The following PCDHGB1 variants were observed in gnomAD, a reference collection of about 807,000 sequenced individuals.
The protein encoded by PCDHGB1 is protocadherin gamma-B1.
In PCDHGB1, 34 loss-of-function variants were observed where a neutral mutation model predicts 56.6. The observed-to-expected ratio is 0.60, with a 90% CI of 0.46 to 0.80. The LOEUF (loss-of-function observed/expected upper bound fraction) is 0.80. PCDHGB1 is among the 30% of genes least tolerant of loss of function. The probability of loss-of-function intolerance (pLI) is 0.00; values close to 1 mark genes in which losing one functional copy is unlikely to be tolerated. For synonymous variants in PCDHGB1, 561 were observed against 505.9 expected (o/e 1.11, Z -1.46); for missense variants, 1,278 against 1,204.6 (o/e 1.06, Z -0.90).
Position 141,426,915 on chromosome 5 carries a change from G to A in PCDHGB1, c.2410-67892G>A, listed in dbSNP as rs143411146. On this transcript the variant is annotated intron_variant, in intron 1 of 3. Coordinates refer to ENST00000523390, the MANE Select transcript of PCDHGB1 (RefSeq NM_018922.3). ...ACAGAGCTCTCATCTCCTGGTCCTG[G>A]AAGCAATGGACATGGGTGACCCAGT... 1,737 of 456,738 alleles carry A rather than the reference G, an allele frequency of 3.8e-3. 17 individuals carry two copies. Among genetic ancestry groups the A allele is most frequent in the Admixed American group, 0.01 (426 of 42,586 alleles). The allele number at this position is 456,738 out of a possible 1,614,324, so 28.3% of individuals were successfully genotyped here.
intron 1 of PCDHGB1, chr5:141,377,314 A>G (rs890147019): frequency 5.3e-5 from 8 of 152,110 alleles, no homozygotes; most frequent in African/African-American, 1.9e-4. Flanking sequence ...AAAGATCAAG[A>G]TCTTGGTTTT....
chr5:141,485,676 G>A lies in PCDHGB1; in HGVS notation c.2410-9131G>A. The A allele has an allele frequency of 6.2e-7, 1 of 1,612,928 alleles. No individual in the cohort carries two copies. The highest frequency in any genetic ancestry group is 2.2e-5 in the East Asian group (1 of 44,848). On this transcript the variant is annotated intron_variant, in intron 1 of 3. Coordinates refer to ENST00000523390, the MANE Select transcript of PCDHGB1 (RefSeq NM_018922.3). This position sits in a 1 kb window ranked among gnomAD's most constrained non-coding sequence, Gnocchi z 5.7. ...GCAGATGTGGGGAGCAATTCGATTA[G>A]CAGCTATAGGCTGAGCTCCAATGAA...
In PCDHGB1 at chr5:141,489,071, CA is replaced by C; in HGVS notation, c.2410-5735del. 3.1e-6 allele frequency: 1 copy of C among 326,700 alleles called. No homozygotes were observed. Among genetic ancestry groups the C allele is most frequent in the East Asian group, 5.9e-5 (1 of 17,012 alleles). 20.2% of individuals were successfully genotyped at this position (326,700 alleles called of 1,614,324 possible). A position where few individuals can be genotyped will look rare whatever the true frequency, so the allele number is the denominator to read the frequency against. On this transcript the variant is annotated intron_variant, in intron 1 of 3. Transcript: ENST00000523390. This position sits in a 1 kb window ranked among gnomAD's most constrained non-coding sequence, Gnocchi z 4.5. Reference sequence around the variant, plus strand: ...AAATTCAGCTCCCCTCCCCCCTGCCCACCCCCGCCACTCGGTGACTAAGAAC... The same window carrying C: ...AAATTCAGCTCCCCTCCCCCCTGCCCCCCCCGCCACTCGGTGACTAAGAAC...
intron 1 of PCDHGB1, chr5:141,419,076 C>G: frequency 6.2e-7 from 1 of 1,613,956 alleles, no homozygotes; most frequent in Non-Finnish European, 8.5e-7. Context: ...AAGCTAGTAA[C>G]AGATGAGGCC....
Position 141,489,646 on chromosome 5 carries a change from C to G in PCDHGB1, c.2410-5161C>G, listed in dbSNP as rs1274955075. The G allele has an allele frequency of 1.2e-6, 2 of 1,614,186 alleles. No individual in the cohort carries two copies. Among genetic ancestry groups the G allele is most frequent in the Non-Finnish European group, 1.7e-6 (2 of 1,180,022 alleles). ...TGACAACTCTCCTAGCTTTGCCACC[C>G]CTGAGCGAGAGATGCGCATCTCAGA... On this transcript the variant is annotated intron_variant, in intron 1 of 3. Coordinates refer to ENST00000523390, the MANE Select transcript of PCDHGB1 (RefSeq NM_018922.3). The surrounding 1 kb of genome is among the most constrained non-coding windows in gnomAD (Gnocchi z 4.5).
chr5:141,363,555 G>A (rs758250718), intron 1 of PCDHGB1, among the ~76,000 whole-genome samples: 2 of 152,096 alleles, frequency 1.3e-5, no homozygotes, highest in Non-Finnish European at 2.9e-5. Flanking sequence ...ATTTGAACAT[G>A]GTAATAGAAA....
At chr5:141,418,646 A>C (rs986717136) in intron 1 of PCDHGB1, 2 of 1,614,010 alleles carry the variant, frequency 1.2e-6, no homozygotes, top group Admixed American at 3.3e-5. Context: ...CTCCATCCTG[A>C]GAGTGAAGGC....
chr5:141,471,036 C>A (rs1437409726), intron 1 of PCDHGB1, among the ~76,000 whole-genome samples: 1 of 144,908 alleles, frequency 6.9e-6, no homozygotes, highest in Admixed American at 7.0e-5. Context: ...TATTAACAAG[C>A]CCAAGCCCTC....
chr5:141,477,432 C>T lies in PCDHGB1; in HGVS notation c.2410-17375C>T, dbSNP rs1184041591. 6.2e-7 allele frequency: 1 copy of T among 1,614,186 alleles called. No individual in the cohort carries two copies. Among genetic ancestry groups the T allele is most frequent in the Admixed American group, 1.7e-5 (1 of 60,028 alleles). ...GACGCCGGAACCCCTTCCCTCTCAG[C>T]CCTTACAATAGTGCGTGTTCAAGTG... On this transcript the variant is annotated intron_variant, in intron 1 of 3. Transcript: ENST00000523390. This position sits in a 1 kb window ranked among gnomAD's most constrained non-coding sequence, Gnocchi z 4.9.
At chr5:141,433,320 T>A in intron 1 of PCDHGB1, 1 of 792,046 alleles carries the variant, frequency 1.3e-6, no homozygotes, top group Non-Finnish European at 2.0e-6. Flanking sequence ...TTGCCTCCGG[T>A]GTAACAGGGA....
At chr5:141,409,964 G>A (rs1042730924) in intron 1 of PCDHGB1, 5 of 1,613,300 alleles carry the variant, frequency 3.1e-6, no homozygotes, top group East Asian at 2.2e-5. Flanking sequence ...CGGCTACCTA[G>A]TGACTAAGGT....
At chr5:141,355,363 G>T (rs1284145251) in intron 1 of PCDHGB1, 1 of 1,614,034 alleles carries the variant, frequency 6.2e-7, no homozygotes, top group African/African-American at 1.3e-5. Flanking sequence ...CCTGGGGTTG[G>T]CGCCCCGGGA....
chr5:141,510,813 C>T, intron 3 of PCDHGB1, 134 bp from the exon 4 acceptor site: 1 of 1,537,024 alleles, frequency 6.5e-7, no homozygotes, highest in South Asian at 1.2e-5. Flanking sequence ...CTTGGTGACC[C>T]CTATATTCCC....
At chr5:141,372,987 A>T (rs1769224200) in intron 1 of PCDHGB1, 5 of 640,814 alleles carry the variant, frequency 7.8e-6, no homozygotes, top group Non-Finnish European at 1.0e-5. Flanking sequence ...TCTGTGTTGC[A>T]GTTGTTCTTT....
chr5:141,469,880 C>T (rs774827232), intron 1 of PCDHGB1, among the ~76,000 whole-genome samples: 7 of 152,210 alleles, frequency 4.6e-5, no homozygotes, highest in East Asian at 1.9e-4. Flanking sequence ...CCTGTAATCT[C>T]GGCACTTTGG....
intron 1 of PCDHGB1, chr5:141,410,537 A>G (rs772317770): frequency 1.1e-5 from 17 of 1,613,760 alleles, no homozygotes; most frequent in African/African-American, 1.3e-5. Flanking sequence ...CAATGAAGAC[A>G]TGGTTTGCAG....
rs1376914747 is a variant in PCDHGB1, at chr5:141,432,008, A to T, written c.2410-62799A>T. On this transcript the variant is annotated intron_variant, in intron 1 of 3. Coordinates refer to ENST00000523390, the MANE Select transcript of PCDHGB1 (RefSeq NM_018922.3). This position sits in a 1 kb window ranked among gnomAD's most constrained non-coding sequence, Gnocchi z 6.0. ...AGTCTTGGATAGGGAACAGGTTCCT[A>T]GCTACAACATCACAGTGACCGCCAC... 1 of 1,614,200 alleles carries T rather than the reference A, an allele frequency of 6.2e-7. No homozygotes were observed. The highest frequency in any genetic ancestry group is 2.2e-5 in the East Asian group (1 of 44,888).
Position 141,375,095 on chromosome 5 carries a change from T to C in PCDHGB1, c.2409+22426T>C, listed in dbSNP as rs370381070. 3.0e-4 allele frequency: 491 copies of C among 1,613,960 alleles called. 2 individuals are homozygous for C. In the African/African-American group the frequency reaches 5.9e-3, roughly 19 times the overall value. ...CAGAGCGAAAGTCTTAATAACTATCTTGGATGTCAATGATAATGTACCAGA... is the reference window on the plus strand; with the variant it reads ...CAGAGCGAAAGTCTTAATAACTATCCTGGATGTCAATGATAATGTACCAGA... On this transcript the variant is annotated intron_variant, in intron 1 of 3. Coordinates refer to ENST00000523390, the MANE Select transcript of PCDHGB1 (RefSeq NM_018922.3).
intron 1 of PCDHGB1, among the ~76,000 whole-genome samples, chr5:141,363,018 G>T (rs1022427881): frequency 6.6e-6 from 1 of 152,216 alleles, no homozygotes; most frequent in Non-Finnish European, 1.5e-5. Context: ...GGCATGGGTA[G>T]GACATTGTCC....
Sources: allele counts gnomAD v4.1 joint callset (sites outside exome capture counted in the v4.1 genomes callset), GRCh38; gene constraint gnomAD v4.1.1; non-coding constraint Gnocchi (gnomAD v3.1); transcripts MANE v1.5; gene names NCBI Gene and HGNC (gene_info 2026-07-23, HGNC 2026-07-21).